The following C1orf94 variants were observed in gnomAD, a reference collection of about 807,000 sequenced individuals.
C1orf94 encodes the protein chromosome 1 open reading frame 94, also known as uncharacterized protein C1orf94.
C1orf94 carries 45 observed loss-of-function variants against 53.6 expected under a neutral mutation model. The observed-to-expected ratio is 0.84, with a 90% CI of 0.66 to 1.08. C1orf94 has a LOEUF of 1.08. C1orf94 is among the 50% of genes least tolerant of loss of function. The pLI, the probability that C1orf94 is intolerant of heterozygous loss-of-function variation, is 0.00. For missense variants in C1orf94, 762 were observed against 738.9 expected, an observed-to-expected ratio of 1.03 and a Z score of -0.36; for synonymous variants, 304 against 296.1, an observed-to-expected ratio of 1.03 and a Z score of -0.27.
At chr1:34,213,063 ACATAGCCATT>A (rs1642921461) in intron 6 of C1orf94, among the ~76,000 whole-genome samples, 1 of 152,212 alleles carries the variant, frequency 6.6e-6, no homozygotes, top group African/African-American at 2.4e-5. Flanking sequence ...ATATAATAAT[ACATAGCCATT>A]CATTCCCACC....
chr1:34,168,595 G>A (rs1316079830), intron 1 of C1orf94, among the ~76,000 whole-genome samples: 1 of 152,186 alleles, frequency 6.6e-6, no homozygotes, highest in African/African-American at 2.4e-5. Context: ...AAACAGAAAT[G>A]TATTGCCTCA....
At chr1:34,200,588 C>T (rs150611424) in intron 2 of C1orf94, among the ~76,000 whole-genome samples, 184 bp from the exon 3 acceptor site, 4 of 151,996 alleles carry the variant, frequency 2.6e-5, no homozygotes, top group South Asian at 4.2e-4. Context: ...GATCGGGGGG[C>T]AGGGGCCAGG....
In C1orf94 at chr1:34,200,753, A is replaced by G. The variant is rs1375614324; in HGVS notation, c.1010-19A>G. On this transcript the variant is annotated intron_variant, in intron 2 of 6. Coordinates refer to ENST00000488417, the MANE Select transcript of C1orf94 (RefSeq NM_001134734.2). ...CTTGGCCTTCCAGAGGCATTGACTC[A>G]GTTTCTTTCCTGCTACAGAATGGAG... 2.5e-6 allele frequency: 4 copies of G among 1,613,404 alleles called. No homozygotes were observed. The highest frequency in any genetic ancestry group is 3.4e-6 in the Non-Finnish European group (4 of 1,179,602).
Position 34,200,810 on chromosome 1 carries a change from G to A in C1orf94, c.1048G>A (p.Gly350Arg), listed in dbSNP as rs376456709. ...PGTKEPKKGQ[G>R]SLFLSQWPQS... The stretch of plus-strand genomic sequence containing the variant: ...CACCAAGGAGCCAAAAAAGGGTCAA[G>A]GGAGCCTCTTTCTCAGCCAGTGGCC... Residue 350 changes from glycine to arginine, a missense_variant, in exon 3 of 7, where the codon GGG becomes AGG. Coordinates refer to ENST00000488417, the MANE Select transcript of C1orf94 (RefSeq NM_001134734.2). 2 of 1,614,168 alleles carry A rather than the reference G, an allele frequency of 1.2e-6. No homozygotes were observed. The highest frequency in any genetic ancestry group is 1.7e-6 in the Non-Finnish European group (2 of 1,180,014).
chr1:34,201,646 C>T (rs1205310856), intron 3 of C1orf94, among the ~76,000 whole-genome samples: 1 of 152,130 alleles, frequency 6.6e-6, no homozygotes, highest in Non-Finnish European at 1.5e-5. Flanking sequence ...CTTAGTGTTG[C>T]CAAATATATG....
upstream of C1orf94, among the ~76,000 whole-genome samples, chr1:34,174,968 A>G (rs530259686): frequency 6.6e-6 from 1 of 152,298 alleles, no homozygotes; most frequent in Admixed American, 6.5e-5. Flanking sequence ...CTGAGCACAT[A>G]ATATGTGGCT....
chr1:34,202,633 T>C (rs1023551764), intron 4 of C1orf94, among the ~76,000 whole-genome samples: 2 of 152,232 alleles, frequency 1.3e-5, no homozygotes, highest in Non-Finnish European at 2.9e-5. Flanking sequence ...CAGGAGAAGA[T>C]GATGTCACAG....
intron 1 of C1orf94, among the ~76,000 whole-genome samples, chr1:34,182,950 G>A (rs1642332623): frequency 6.6e-6 from 1 of 152,230 alleles, no homozygotes; most frequent in Admixed American, 6.5e-5. Context: ...GAAAACACTA[G>A]CCAAGAGCAT....
At chr1:34,176,279 C>G (rs547330541), upstream of C1orf94, among the ~76,000 whole-genome samples, 2 of 152,256 alleles carry the variant, frequency 1.3e-5, no homozygotes, top group South Asian at 2.1e-4. Context: ...TTCTTTCTTC[C>G]GTCTCCACCC....
intron 5 of C1orf94, among the ~76,000 whole-genome samples, chr1:34,210,576 G>C (rs1329241552): frequency 6.6e-6 from 1 of 152,084 alleles, no homozygotes; most frequent in East Asian, 1.9e-4. Flanking sequence ...TACCTCACAG[G>C]GCTTTCTGGA....
chr1:34,181,164 C>T (rs964693325), intron 1 of C1orf94, among the ~76,000 whole-genome samples: 3 of 152,064 alleles, frequency 2.0e-5, no homozygotes, highest in Non-Finnish European at 2.9e-5. Context: ...TTTTTTCTTT[C>T]GATACCCCTT....
chr1:34,171,422 C>T (rs1557473161), intron 1 of C1orf94, among the ~76,000 whole-genome samples: 2 of 152,016 alleles, frequency 1.3e-5, no homozygotes, highest in Non-Finnish European at 1.5e-5. Context: ...ACATGGTGAA[C>T]ATTCAGGGAA....
At chr1:34,201,598 T>A (rs866780385) in intron 3 of C1orf94, among the ~76,000 whole-genome samples, 1 of 152,224 alleles carries the variant, frequency 6.6e-6, no homozygotes, top group Non-Finnish European at 1.5e-5. Context: ...ATATAATTTT[T>A]AAAATTCCCA....
In C1orf94 at chr1:34,212,344, C is replaced by G. The variant is rs1003750022; in HGVS notation, c.1659C>G (p.Asn553Lys). 2 of 1,613,968 alleles carry G rather than the reference C, an allele frequency of 1.2e-6. No individual in the cohort carries two copies. The highest frequency in any genetic ancestry group is 2.2e-5 in the East Asian group (1 of 44,836). Residue 553 changes from asparagine (N) to lysine (K), a missense_variant, in exon 6 of 7, where the codon AAC becomes AAG. Coordinates refer to ENST00000488417, the MANE Select transcript of C1orf94 (RefSeq NM_001134734.2). ...GGACACCTCCAAAGATGTCTGCCAACCCCCGAGACCCTCCCCTAATGGCAG... is the reference window on the plus strand; with the variant it reads ...GGACACCTCCAAAGATGTCTGCCAAGCCCCGAGACCCTCCCCTAATGGCAG... ...PQRTPPKMSANPRDPPLMAGD... is the reference protein window; with the variant it reads ...PQRTPPKMSAKPRDPPLMAGD...
chr1:34,191,926 G>C (rs552874080), intron 1 of C1orf94, among the ~76,000 whole-genome samples: 1 of 152,092 alleles, frequency 6.6e-6, no homozygotes, highest in South Asian at 2.1e-4. Flanking sequence ...CACAGCATCC[G>C]AGTATGGCGC....
intron 2 of C1orf94, among the ~76,000 whole-genome samples, chr1:34,199,368 G>A (rs996269648): frequency 6.6e-5 from 10 of 152,174 alleles, no homozygotes; most frequent in Non-Finnish European, 1.3e-4. Context: ...GGCTGAATTC[G>A]GCAACCGGAG....
intron 1 of C1orf94, among the ~76,000 whole-genome samples, chr1:34,183,128 T>A (rs1013479752): frequency 2.0e-5 from 3 of 152,186 alleles, no homozygotes; most frequent in African/African-American, 7.2e-5. Flanking sequence ...TTGGACGGTG[T>A]GCCATTTACA....
intron 1 of C1orf94, among the ~76,000 whole-genome samples, chr1:34,185,399 C>T (rs1642370054): frequency 6.6e-6 from 1 of 152,152 alleles, no homozygotes; most frequent in Non-Finnish European, 1.5e-5. Context: ...AGTCTGGTCT[C>T]GGACTCCTGA....
chr1:34,197,984 C>A lies in C1orf94; in HGVS notation c.1009+71C>A. ...GTCCTTCCCAGGAAGCCAATCAGGGCTGCAGCATGTACATAAAGCATCTTC... is the reference window on the plus strand; with the variant it reads ...GTCCTTCCCAGGAAGCCAATCAGGGATGCAGCATGTACATAAAGCATCTTC... On this transcript the variant is annotated intron_variant, in intron 2 of 6. Coordinates refer to ENST00000488417, the MANE Select transcript of C1orf94 (RefSeq NM_001134734.2). The surrounding 1 kb of genome is among the most constrained non-coding windows in gnomAD (Gnocchi z 4.1). 3 of 1,426,866 alleles carry A rather than the reference C, an allele frequency of 2.1e-6. No homozygotes were observed. Among genetic ancestry groups the A allele is most frequent in the Admixed American group, 2.2e-5 (1 of 45,758 alleles). The allele number at this position is 1,426,866 out of a possible 1,614,324, so 88.4% of individuals were successfully genotyped here.
Sources: allele counts gnomAD v4.1 joint callset (sites outside exome capture counted in the v4.1 genomes callset), GRCh38; gene constraint gnomAD v4.1.1; non-coding constraint Gnocchi (gnomAD v3.1); transcripts MANE v1.5; gene names NCBI Gene and HGNC (gene_info 2026-07-23, HGNC 2026-07-21).